SPOCK3: variants seen among roughly 807,000 people sequenced by gnomAD.
SPOCK3 encodes the protein testican-3.
Under a neutral mutation model 56.6 loss-of-function variants are expected in SPOCK3, and 30 were observed. That is an observed-to-expected ratio of 0.53 (90% CI 0.40 to 0.72). SPOCK3 has a LOEUF of 0.72. Among genes scored for constraint, SPOCK3 ranks in the 30% least tolerant of loss-of-function variants. The pLI is 0.00. For synonymous variants in SPOCK3, 196 were observed against 183.3 expected (o/e 1.07, Z -0.56); for missense variants, 527 against 530.0 (o/e 0.99, Z 0.06).
chr4:166,966,204 C>T (rs1183813938), intron 4 of SPOCK3, among the ~76,000 whole-genome samples: 3 of 149,242 alleles, frequency 2.0e-5, no homozygotes, highest in South Asian at 4.2e-4. Context: ...ACTTCATTGT[C>T]GGATGGATCA....
At chr4:167,032,080 T>A (rs1409697026) in intron 3 of SPOCK3, among the ~76,000 whole-genome samples, 1 of 136,836 alleles carries the variant, frequency 7.3e-6, no homozygotes, top group Non-Finnish European at 1.5e-5. Flanking sequence ...AAAATCTGAA[T>A]TTAGAAGAAG....
At chr4:166,886,907 T>C (rs890291631) in intron 6 of SPOCK3, among the ~76,000 whole-genome samples, 4 of 152,152 alleles carry the variant, frequency 2.6e-5, no homozygotes, top group Non-Finnish European at 5.9e-5. Flanking sequence ...ACACTCAAAA[T>C]TGACTGTACT....
At chr4:167,050,729 T>C (rs551554319) in intron 3 of SPOCK3, among the ~76,000 whole-genome samples, 2 of 152,242 alleles carry the variant, frequency 1.3e-5, no homozygotes, top group South Asian at 4.1e-4. Context: ...AACTGGGAAA[T>C]TCTGACACAT....
intron 6 of SPOCK3, among the ~76,000 whole-genome samples, chr4:166,795,802 C>T (rs1386880107): frequency 6.6e-6 from 1 of 151,954 alleles, no homozygotes; most frequent in Non-Finnish European, 1.5e-5. Flanking sequence ...TTAATAGGCA[C>T]AAAACTCTCT....
At chr4:167,030,360 C>A (rs1752156553) in intron 3 of SPOCK3, among the ~76,000 whole-genome samples, 1 of 151,690 alleles carries the variant, frequency 6.6e-6, no homozygotes, top group Non-Finnish European at 1.5e-5. Context: ...ATCAGATTAC[C>A]ATATTTTGTT....
chr4:167,172,505 TTTC>T (rs931752838), intron 2 of SPOCK3, among the ~76,000 whole-genome samples: 4 of 152,170 alleles, frequency 2.6e-5, no homozygotes, highest in African/African-American at 7.2e-5. Context: ...CTAATAATTA[TTTC>T]TTCCTTTTGA....
At chr4:167,101,446 C>A (rs554911011) in intron 2 of SPOCK3, among the ~76,000 whole-genome samples, 3 of 152,168 alleles carry the variant, frequency 2.0e-5, no homozygotes, top group Admixed American at 2.0e-4. Flanking sequence ...GACTTTCAGT[C>A]CTGGCCTCTC....
chr4:167,053,598 T>C (rs1036437390), intron 3 of SPOCK3, among the ~76,000 whole-genome samples: 3 of 151,874 alleles, frequency 2.0e-5, no homozygotes, highest in Admixed American at 6.6e-5. Context: ...GGCAGGAGAA[T>C]TGCTTGAACC....
At chr4:167,224,616 A>G (rs747374374) in intron 2 of SPOCK3, among the ~76,000 whole-genome samples, 1 of 152,176 alleles carries the variant, frequency 6.6e-6, no homozygotes, top group Non-Finnish European at 1.5e-5. Context: ...CAAACTTAAC[A>G]AAAAAGATAT....
intron 6 of SPOCK3, among the ~76,000 whole-genome samples, chr4:166,811,934 T>C (rs919260848): frequency 1.3e-5 from 2 of 151,856 alleles, no homozygotes; most frequent in South Asian, 4.1e-4. Flanking sequence ...TAAGGATGTT[T>C]CTTAATTTTT....
At chr4:166,921,462 G>A (rs1022734634) in intron 4 of SPOCK3, among the ~76,000 whole-genome samples, 3 of 151,862 alleles carry the variant, frequency 2.0e-5, no homozygotes, top group East Asian at 1.9e-4. Flanking sequence ...CACTATAGGC[G>A]CACGCCACCA....
chr4:166,880,630 C>T (rs928191753), intron 6 of SPOCK3, among the ~76,000 whole-genome samples: 1 of 152,168 alleles, frequency 6.6e-6, no homozygotes, highest in African/African-American at 2.4e-5. Context: ...GTTTGATTCT[C>T]TAACAATTTT....
At chr4:166,935,358 G>A (rs966536868) in intron 4 of SPOCK3, among the ~76,000 whole-genome samples, 6 of 152,120 alleles carry the variant, frequency 3.9e-5, no homozygotes, top group African/African-American at 9.7e-5. Context: ...TCCAACGGGC[G>A]AAATGGTAGC....
chr4:167,157,080 T>A (rs1048395519), intron 2 of SPOCK3, among the ~76,000 whole-genome samples: 2 of 151,978 alleles, frequency 1.3e-5, no homozygotes, highest in African/African-American at 4.8e-5. Flanking sequence ...AATATAATAT[T>A]CAGAACAACT....
At chr4:166,966,537 T>A (rs1235734398) in intron 4 of SPOCK3, among the ~76,000 whole-genome samples, 1 of 152,198 alleles carries the variant, frequency 6.6e-6, no homozygotes. Flanking sequence ...TTGAGGCTAA[T>A]AAAATTAATA....
intron 4 of SPOCK3, among the ~76,000 whole-genome samples, chr4:166,975,272 A>G (rs1267483736): frequency 6.6e-6 from 1 of 152,206 alleles, no homozygotes; most frequent in African/African-American, 2.4e-5. Flanking sequence ...CAATATGTAT[A>G]ATTTGGAATA....
intron 4 of SPOCK3, among the ~76,000 whole-genome samples, chr4:166,951,067 A>G (rs75146247): frequency 7.1e-5 from 10 of 140,992 alleles, no homozygotes; most frequent in East Asian, 6.0e-4. Context: ...CTAGCAGAAG[A>G]CAAGAAATAA....
At chr4:166,778,074 C>T (rs1044212891) in intron 7 of SPOCK3, among the ~76,000 whole-genome samples, 3 of 152,082 alleles carry the variant, frequency 2.0e-5, no homozygotes, top group Non-Finnish European at 2.9e-5. Flanking sequence ...TTGGAAAGCA[C>T]CAGAGGCCTA....
At chr4:166,882,910 T>C (rs1331726541) in intron 6 of SPOCK3, 1 of 152,160 alleles carries the variant, frequency 6.6e-6, no homozygotes, top group Non-Finnish European at 1.5e-5. Flanking sequence ...ATGCAACACT[T>C]GCCAATAAAC....
Sources: gnomAD v4.1 joint callset for allele counts (sites outside exome capture counted in the v4.1 genomes callset) on GRCh38, gnomAD v4.1.1 for gene constraint, MANE v1.5 for transcripts, NCBI Gene and HGNC (gene_info 2026-07-23, HGNC 2026-07-21) for gene names.